The following CEP128 variants were observed in gnomAD, a reference collection of about 807,000 sequenced individuals.
CEP128 encodes the protein centrosomal protein 128kDa.
CEP128 carries 132 observed loss-of-function variants against 156.7 expected under a neutral mutation model. The observed-to-expected ratio is 0.84, with a 90% confidence interval of 0.73 to 0.97. CEP128 has a LOEUF of 0.97. CEP128 is among the 50% of genes least tolerant of loss of function. The pLI, the probability that CEP128 is intolerant of heterozygous loss-of-function variation, is 0.00. For synonymous variants in CEP128, 469 were observed against 448.9 expected (o/e 1.04, Z -0.57); for missense variants, 1,252 against 1,281.9 (o/e 0.98, Z 0.36).
At chr14:80,602,065 A>G (rs1204981674) in intron 19 of CEP128, among the ~76,000 whole-genome samples, 1 of 152,222 alleles carries the variant, frequency 6.6e-6, no homozygotes, top group African/African-American at 2.4e-5. Flanking sequence ...AATATCAAAC[A>G]ATACAGACTT....
intron 19 of CEP128, among the ~76,000 whole-genome samples, chr14:80,722,576 C>T (rs996602030): frequency 5.3e-5 from 8 of 150,988 alleles, no homozygotes; most frequent in Non-Finnish European, 8.8e-5. Flanking sequence ...TATATTTTGC[C>T]GTTTTCAAGC....
chr14:80,507,305 T>C (rs942975507), intron 23 of CEP128, among the ~76,000 whole-genome samples: 3 of 152,158 alleles, frequency 2.0e-5, no homozygotes, highest in Non-Finnish European at 2.9e-5. Flanking sequence ...TCACTAATTA[T>C]GGGAATTTCA....
At chr14:80,916,662 T>C in intron 2 of CEP128, 100 bp from the exon 3 acceptor site, 1 of 922,208 alleles carries the variant, frequency 1.1e-6, no homozygotes. Flanking sequence ...CTATGTTTAA[T>C]ACATTAGTAA....
upstream of CEP128, among the ~76,000 whole-genome samples, chr14:80,942,695 C>T (rs1886216823): frequency 6.6e-6 from 1 of 152,092 alleles, no homozygotes. Flanking sequence ...TCTATTAGCC[C>T]TTCAAAGGGA....
downstream of CEP128, among the ~76,000 whole-genome samples, chr14:80,494,570 T>C (rs1027736665): frequency 1.3e-5 from 2 of 152,150 alleles, no homozygotes; most frequent in Non-Finnish European, 1.5e-5. Flanking sequence ...GTTATCTAAC[T>C]ACAAAATTCA....
downstream of CEP128, among the ~76,000 whole-genome samples, chr14:80,492,199 T>G (rs568701823): frequency 1.3e-5 from 2 of 152,338 alleles, no homozygotes; most frequent in South Asian, 4.1e-4. Flanking sequence ...TATAAGGTGA[T>G]GAAGGTGATA....
At position 80,571,797 on chromosome 14, in the gene CEP128, T is replaced by C. The variant is rs559039825; in HGVS notation, c.2856+8577A>G. On this transcript the variant is annotated intron_variant, in intron 20 of 24. Transcript: ENST00000555265. ...AAAAGAGGCCAGGATCCTAAACAAA[T>C]CAGAACAAAAAAAAAGAAAGGTGAG... 5.1e-4 allele frequency among the ~76,000 whole-genome samples: 71 copies of C among 139,996 alleles called. 1 individual carries two copies. In the South Asian group the frequency reaches 8.4e-3, roughly 17 times the overall value. 91.8% of individuals were successfully genotyped at this position (139,996 alleles called of 152,430 possible).
intron 14 of CEP128, among the ~76,000 whole-genome samples, chr14:80,480,691 T>C (rs564927395): frequency 4.6e-5 from 7 of 152,324 alleles, no homozygotes; most frequent in African/African-American, 9.6e-5. Context: ...CTGCTTCCCT[T>C]ATAAAACTGC....
At chr14:80,910,182 T>C (rs1884126296) in intron 4 of CEP128, among the ~76,000 whole-genome samples, 1 of 152,200 alleles carries the variant, frequency 6.6e-6, no homozygotes. Context: ...AAAGATTAGG[T>C]CTATTCTTTT....
At chr14:80,819,193 A>G (rs1885027800) in intron 13 of CEP128, among the ~76,000 whole-genome samples, 2 of 145,950 alleles carry the variant, frequency 1.4e-5, no homozygotes, top group African/African-American at 5.2e-5. Flanking sequence ...CTTTCTTTAT[A>G]TCCCCATATG....
At chr14:80,567,921 C>T (rs1890983508) in intron 20 of CEP128, among the ~76,000 whole-genome samples, 1 of 151,586 alleles carries the variant, frequency 6.6e-6, no homozygotes, top group Admixed American at 6.6e-5. Flanking sequence ...ACCAGCACAC[C>T]ATATATTTTT....
intron 9 of CEP128, among the ~76,000 whole-genome samples, chr14:80,849,508 G>C (rs1886781608): frequency 6.6e-6 from 1 of 152,120 alleles, no homozygotes; most frequent in Non-Finnish European, 1.5e-5. Flanking sequence ...ATTAAACGAT[G>C]AAATAATGAG....
intron 8 of CEP128, among the ~76,000 whole-genome samples, chr14:80,882,472 G>C (rs1396988109): frequency 6.6e-6 from 1 of 152,104 alleles, no homozygotes; most frequent in African/African-American, 2.4e-5. Flanking sequence ...CTGTTCGTGG[G>C]AATGTAAATT....
At chr14:80,612,716 T>G (rs1247445299) in intron 19 of CEP128, among the ~76,000 whole-genome samples, 4 of 152,224 alleles carry the variant, frequency 2.6e-5, no homozygotes, top group African/African-American at 7.2e-5. Flanking sequence ...CATCACATTC[T>G]GAGTTGTACT....
chr14:80,556,876 C>G (rs1287533830), intron 21 of CEP128, among the ~76,000 whole-genome samples: 2 of 152,140 alleles, frequency 1.3e-5, no homozygotes, highest in East Asian at 1.9e-4. Context: ...ATTTTATGAA[C>G]TATAAAGTAC....
chr14:80,647,058 T>TGTGC (rs751298715), intron 19 of CEP128, among the ~76,000 whole-genome samples: 7 of 42,860 alleles, frequency 1.6e-4, no homozygotes, highest in Non-Finnish European at 2.4e-4. Context: ...TATATATATA[T>TGTGC]ATATATATAT....
chr14:80,539,721 T>C (rs995665560), intron 21 of CEP128, among the ~76,000 whole-genome samples: 3 of 151,938 alleles, frequency 2.0e-5, no homozygotes, highest in African/African-American at 7.3e-5. Context: ...AACAGCCATA[T>C]TTTTCTTCTT....
intron 21 of CEP128, among the ~76,000 whole-genome samples, chr14:80,547,961 G>A (rs1890055407): frequency 6.6e-6 from 1 of 152,088 alleles, no homozygotes; most frequent in Admixed American, 6.6e-5. Context: ...ACCACGCCCA[G>A]CTAATTTTTT....
intron 2 of CEP128, among the ~76,000 whole-genome samples, chr14:80,929,233 G>C (rs1435469380): frequency 2.6e-5 from 4 of 152,184 alleles, no homozygotes; most frequent in Non-Finnish European, 5.9e-5. Context: ...TATTGGTGTG[G>C]ATGTAATGAA....
Sources: allele counts gnomAD v4.1 joint callset (sites outside exome capture counted in the v4.1 genomes callset), GRCh38; gene constraint gnomAD v4.1.1; transcripts MANE v1.5; gene names NCBI Gene and HGNC (gene_info 2026-07-23, HGNC 2026-07-21).